The following STIM1 variants were observed in gnomAD, a reference collection of about 807,000 sequenced individuals.
The protein encoded by STIM1 is stromal interaction molecule 1.
STIM1 carries 25 observed loss-of-function variants against 74.7 expected under a neutral mutation model. That is an observed-to-expected ratio of 0.33 (90% CI 0.24 to 0.47). The LOEUF (loss-of-function observed/expected upper bound fraction) is 0.47, where lower values mean the gene tolerates loss of function less well. STIM1 is among the 20% of genes least tolerant of loss of function. The pLI is 1.00. For synonymous variants in STIM1, 328 were observed against 348.8 expected (o/e 0.94, Z 0.66); for missense variants, 728 against 920.8 (o/e 0.79, Z 2.71).
At chr11:4,076,933 G>C (rs1252500728) in intron 7 of STIM1, among the ~76,000 whole-genome samples, 1 of 151,150 alleles carries the variant, frequency 6.6e-6, no homozygotes, top group Non-Finnish European at 1.5e-5. Context: ...GTTGAGACTT[G>C]GTTTGTATAA....
chr11:3,989,562 G>A, intron 2 of STIM1: 1 of 531,480 alleles, frequency 1.9e-6, no homozygotes, highest in Non-Finnish European at 3.5e-6. Flanking sequence ...TCCTCCCGCC[G>A]CCCGAGCTGC....
At chr11:4,076,629 A>G (rs1388450014) in intron 7 of STIM1, among the ~76,000 whole-genome samples, 1 of 148,820 alleles carries the variant, frequency 6.7e-6, no homozygotes, top group Non-Finnish European at 1.5e-5. Context: ...ATTTAGGGAT[A>G]TTATTTCAAA....
At chr11:3,925,774 T>A (rs905984493) in intron 1 of STIM1, among the ~76,000 whole-genome samples, 1 of 152,250 alleles carries the variant, frequency 6.6e-6, no homozygotes, top group African/African-American at 2.4e-5. Context: ...TGGCTACTTT[T>A]AAACTACAGT....
intron 1 of STIM1, among the ~76,000 whole-genome samples, chr11:3,905,102 G>A (rs887505640): frequency 1.3e-5 from 2 of 152,192 alleles, no homozygotes; most frequent in African/African-American, 2.4e-5. Context: ...AGCCAGGAAT[G>A]AGAAAAGTTT....
At chr11:3,865,186 G>C (rs1450638786) in intron 1 of STIM1, among the ~76,000 whole-genome samples, 1 of 152,150 alleles carries the variant, frequency 6.6e-6, no homozygotes, top group Non-Finnish European at 1.5e-5. Context: ...TTAGGTGCTA[G>C]GACTGAAATC....
At position 4,091,863 on chromosome 11, in the gene STIM1, C is replaced by T. The variant is rs2094527345; in HGVS notation, c.*65C>T. On this transcript the variant is annotated 3_prime_UTR_variant, in exon 13 of 13. Coordinates refer to ENST00000526596, the MANE Select transcript of STIM1 (RefSeq NM_001382567.1). ...CTGGGTGTTCTGTCTCTCCTTCCCTCCCTTCCTTCAAGATAACTGGCCCCA... is the reference window on the plus strand; with the variant it reads ...CTGGGTGTTCTGTCTCTCCTTCCCTTCCTTCCTTCAAGATAACTGGCCCCA... The T allele has an allele frequency of 1.2e-5, 19 of 1,590,826 alleles. No homozygotes were observed. Among genetic ancestry groups the T allele is most frequent in the Non-Finnish European group, 1.5e-5 (18 of 1,175,178 alleles).
At chr11:3,965,771 C>T (rs11030417) in intron 1 of STIM1, among the ~76,000 whole-genome samples, 4,839 of 152,000 alleles carry the variant, frequency 0.032, 185 homozygotes, top group East Asian at 0.18. Context: ...TTCGGGAGGC[C>T]GAGGTGGGCG....
intron 1 of STIM1, among the ~76,000 whole-genome samples, chr11:3,914,661 C>CA (rs2092616750): frequency 6.6e-6 from 1 of 152,140 alleles, no homozygotes; most frequent in South Asian, 2.1e-4. Context: ...AGGATGGTCT[C>CA]AATCTCCTGA....
In STIM1 at chr11:4,021,186, C is replaced by T. The variant is rs191541647; in HGVS notation, c.271-2687C>T. On this transcript the variant is annotated intron_variant, in intron 2 of 12. Coordinates refer to ENST00000526596, the MANE Select transcript of STIM1 (RefSeq NM_001382567.1). ...TTGTTGTTTTTTGGCAGTGCAGTGA[C>T]GTGATATTAGCTCACTGCAGCCTCC... 3.7e-3 allele frequency among the ~76,000 whole-genome samples: 560 copies of T among 152,162 alleles called. 2 individuals carry two copies. Among genetic ancestry groups the T allele is most frequent in the Admixed American group, 7.1e-3 (108 of 15,274 alleles).
At position 3,895,685 on chromosome 11, in the gene STIM1, T is replaced by TC. The variant is rs1491577935; in HGVS notation, c.139+39277dup. On this transcript the variant is annotated intron_variant, in intron 1 of 12. Coordinates refer to ENST00000526596, the MANE Select transcript of STIM1 (RefSeq NM_001382567.1). ...TTCTTTCTTTCTTTCCTTCCTTCCT[T>TC]CTTTCTTTCTTTCTTTCTTTCTTTC... Among the ~76,000 whole-genome samples, 13 of 33,902 alleles carry TC rather than the reference T, an allele frequency of 3.8e-4. 1 individual carries two copies. The highest frequency in any genetic ancestry group is 2.9e-3 in the East Asian group (3 of 1,050). 22.2% of individuals were successfully genotyped at this position (33,902 alleles called of 152,430 possible). A position where few individuals can be genotyped will look rare whatever the true frequency, so the allele number is the denominator to read the frequency against.
At chr11:3,973,267 CA>C in intron 2 of STIM1, 3 of 482,692 alleles carry the variant, frequency 6.2e-6, no homozygotes, top group Middle Eastern at 7.3e-4. Context: ...TCATTCCCAC[CA>C]AAACCACCTC....
intron 1 of STIM1, among the ~76,000 whole-genome samples, chr11:3,904,107 G>C (rs2092414150): frequency 6.9e-6 from 1 of 145,558 alleles, no homozygotes; most frequent in Non-Finnish European, 1.5e-5. Context: ...TGAGGCAGGA[G>C]AATTGCTTGA....
At chr11:3,963,420 G>T (rs763710602) in intron 1 of STIM1, among the ~76,000 whole-genome samples, 3 of 152,062 alleles carry the variant, frequency 2.0e-5, no homozygotes, top group Non-Finnish European at 4.4e-5. Context: ...ACATGATCTC[G>T]TTCTTTTTTT....
At chr11:3,856,622 G>A (rs2090381864) in intron 1 of STIM1, among the ~76,000 whole-genome samples, 1 of 152,174 alleles carries the variant, frequency 6.6e-6, no homozygotes, top group African/African-American at 2.4e-5. Flanking sequence ...CTCATCCCCC[G>A]CACTCAGGAT....
chr11:4,039,196 G>A (rs189612671), intron 3 of STIM1, among the ~76,000 whole-genome samples: 118 of 152,250 alleles, frequency 7.8e-4, no homozygotes, highest in African/African-American at 2.7e-3. Flanking sequence ...TTCCAGCCCT[G>A]TGAGAGGATC....
intron 12 of STIM1, among the ~76,000 whole-genome samples, chr11:4,089,358 A>G (rs181750925): frequency 3.3e-5 from 5 of 152,278 alleles, no homozygotes; most frequent in Admixed American, 2.6e-4. Context: ...CAGAATCTTC[A>G]CTTCCTCAGC....
intron 9 of STIM1, 22 bp downstream of exon 9, chr11:4,083,004 C>G: frequency 6.3e-7 from 1 of 1,592,846 alleles, no homozygotes; most frequent in Non-Finnish European, 8.6e-7. Flanking sequence ...CAGTTATCTA[C>G]TCTGGCAATG....
chr11:3,887,026 C>T (rs1337118665), intron 1 of STIM1, among the ~76,000 whole-genome samples: 5 of 151,600 alleles, frequency 3.3e-5, no homozygotes, highest in Non-Finnish European at 5.9e-5. Flanking sequence ...AGAAGAGAGA[C>T]GGGCCATATA....
At chr11:3,916,955 T>A (rs1290448061) in intron 1 of STIM1, among the ~76,000 whole-genome samples, 1 of 152,232 alleles carries the variant, frequency 6.6e-6, no homozygotes, top group Non-Finnish European at 1.5e-5. Flanking sequence ...TTTTAGTGGC[T>A]GTTGGCTGAA....
Sources: allele counts gnomAD v4.1 joint callset (sites outside exome capture counted in the v4.1 genomes callset), GRCh38; gene constraint gnomAD v4.1.1; transcripts MANE v1.5; gene names NCBI Gene and HGNC (gene_info 2026-07-23, HGNC 2026-07-21).